The following TNRC6B variants were observed in gnomAD, a reference collection of about 807,000 sequenced individuals.
TNRC6B encodes trinucleotide repeat containing adaptor 6B.
A neutral mutation model predicts 203.6 loss-of-function variants in TNRC6B; 52 were observed. The observed-to-expected ratio is 0.26, with a 90% CI of 0.20 to 0.32. The LOEUF (loss-of-function observed/expected upper bound fraction) is 0.32, where lower values mean the gene tolerates loss of function less well. Among genes scored for constraint, TNRC6B ranks in the 10% least tolerant of loss-of-function variants. The pLI, the probability that TNRC6B is intolerant of heterozygous loss-of-function variation, is 1.00. For missense variants in TNRC6B, 1,923 were observed against 2,286.2 expected (o/e 0.84, Z 3.24); for synonymous variants, 838 against 845.7 (o/e 0.99, Z 0.16).
At chr22:40,097,509 A>C (rs760677943) in intron 1 of TNRC6B, among the ~76,000 whole-genome samples, 20 of 151,970 alleles carry the variant, frequency 1.3e-4, no homozygotes, top group African/African-American at 2.2e-4. Flanking sequence ...GGGTCTTGCT[A>C]TATTGCCCAG....
intron 19 of TNRC6B, among the ~76,000 whole-genome samples, chr22:40,313,275 A>G (rs537762558): frequency 6.6e-6 from 1 of 152,308 alleles, no homozygotes; most frequent in South Asian, 2.1e-4. Context: ...TCCTAATGAC[A>G]CACATGCTTC....
intron 12 of TNRC6B, among the ~76,000 whole-genome samples, chr22:40,286,705 A>C (rs1476025477): frequency 6.6e-6 from 1 of 152,178 alleles, no homozygotes; most frequent in Non-Finnish European, 1.5e-5. Flanking sequence ...GGAACCATTT[A>C]GGTCTGTCCC....
intron 1 of TNRC6B, among the ~76,000 whole-genome samples, chr22:40,105,773 C>T (rs2068277804): frequency 6.6e-6 from 1 of 152,176 alleles, no homozygotes; most frequent in Non-Finnish European, 1.5e-5. Flanking sequence ...TGCATACATT[C>T]TGCTGGGTAT....
At chr22:40,292,585 A>G (rs1303195415) in intron 12 of TNRC6B, among the ~76,000 whole-genome samples, 1 of 152,212 alleles carries the variant, frequency 6.6e-6, no homozygotes, top group African/African-American at 2.4e-5. Context: ...CCAATCCAGC[A>G]GGAGATTGAA....
In TNRC6B at chr22:40,329,043, C is replaced by G. The variant is rs139761696; in HGVS notation, c.*5802C>G. On this transcript the variant is annotated 3_prime_UTR_variant, in exon 23 of 23. Transcript: ENST00000454349. ...GCAAAAAAAAAAAACAAAAACAAAA[C>G]AAAAAAAAGCCTTGTTCTTTAATTG... The G allele has an allele frequency of 4.0e-5, 6 of 149,630 alleles. No homozygotes were observed. Among genetic ancestry groups the G allele is most frequent in the African/African-American group, 1.2e-4 (5 of 40,624 alleles). The allele number at this position is 149,630 out of a possible 1,614,324, so 9.3% of individuals were successfully genotyped here.
chr22:40,293,095 AT>A (rs1258026473), intron 12 of TNRC6B, among the ~76,000 whole-genome samples: 2 of 151,002 alleles, frequency 1.3e-5, no homozygotes, highest in African/African-American at 4.9e-5. Context: ...CTATACCATA[AT>A]TTACCTATTC....
chr22:40,099,686 G>A (rs752315293), intron 1 of TNRC6B, among the ~76,000 whole-genome samples: 3 of 152,216 alleles, frequency 2.0e-5, no homozygotes, highest in Non-Finnish European at 4.4e-5. Flanking sequence ...ACAGGAAGAT[G>A]TGTACCTAAG....
At position 40,330,456 on chromosome 22, in the gene TNRC6B, AGAG is replaced by A. The variant is rs544864009; in HGVS notation, c.*7221_*7223del. 4.0e-4 allele frequency: 61 copies of A among 152,344 alleles called. No homozygotes were observed. Among genetic ancestry groups the A allele is most frequent in the Middle Eastern group, 3.4e-3 (1 of 294 alleles). The allele number at this position is 152,344 out of a possible 1,614,324, so 9.4% of individuals were successfully genotyped here. On this transcript the variant is annotated 3_prime_UTR_variant, in exon 23 of 23. Coordinates refer to ENST00000454349, the MANE Select transcript of TNRC6B (RefSeq NM_001162501.2). Reference sequence around the variant, plus strand: ...CTAGCCCTACAGAAGAGCTTTACAGAGAGGAGGACAGTACATCCTATGTGTGTT... The same window carrying A: ...CTAGCCCTACAGAAGAGCTTTACAGAGAGGACAGTACATCCTATGTGTGTT...
intron 4 of TNRC6B, among the ~76,000 whole-genome samples, chr22:40,166,521 T>C (rs556908582): frequency 7.2e-5 from 11 of 152,210 alleles, no homozygotes; most frequent in Admixed American, 7.2e-4. Flanking sequence ...GTGCTTCCTA[T>C]AGCATGGTAG....
chr22:40,164,374 T>G (rs1601852277), intron 4 of TNRC6B, among the ~76,000 whole-genome samples: 3 of 115,752 alleles, frequency 2.6e-5, no homozygotes, highest in Admixed American at 1.0e-4. Flanking sequence ...GGCGACAGAG[T>G]GAGACTCTGC....
At chr22:40,212,494 G>A (rs1032227276) in intron 1 of TNRC6B, among the ~76,000 whole-genome samples, 2 of 152,158 alleles carry the variant, frequency 1.3e-5, no homozygotes, top group African/African-American at 2.4e-5. Context: ...ATTAGTTTGG[G>A]ATTTTTGTGG....
At chr22:40,275,227 C>G (rs2070622438) in intron 7 of TNRC6B, among the ~76,000 whole-genome samples, 2 of 152,168 alleles carry the variant, frequency 1.3e-5, no homozygotes, top group South Asian at 4.1e-4. Context: ...AGGAATTATT[C>G]AGCAAACTTT....
chr22:40,087,314 C>G (rs2068109171), intron 1 of TNRC6B, among the ~76,000 whole-genome samples: 1 of 152,176 alleles, frequency 6.6e-6, no homozygotes, highest in South Asian at 2.1e-4. Flanking sequence ...TTGGTCCTGC[C>G]TTCTTTCCCA....
chr22:40,067,642 G>C (rs1327666410), intron 1 of TNRC6B, among the ~76,000 whole-genome samples: 1 of 152,136 alleles, frequency 6.6e-6, no homozygotes, highest in Non-Finnish European at 1.5e-5. Flanking sequence ...GAGGCTGCTG[G>C]TGCAAATCCC....
chr22:40,222,550 G>A (rs2069724092), intron 1 of TNRC6B, among the ~76,000 whole-genome samples: 1 of 152,014 alleles, frequency 6.6e-6, no homozygotes, highest in African/African-American at 2.4e-5. Flanking sequence ...TTGACCACTC[G>A]TTTGACTTCC....
intron 1 of TNRC6B, among the ~76,000 whole-genome samples, chr22:40,090,401 G>T (rs1371981803): frequency 1.9e-4 from 26 of 136,778 alleles, no homozygotes; most frequent in Admixed American, 1.9e-3. Flanking sequence ...GCATCTCATT[G>T]TTTTTTTTTT....
intron 1 of TNRC6B, among the ~76,000 whole-genome samples, chr22:40,221,760 C>A (rs1315591345): frequency 8.2e-6 from 1 of 121,906 alleles, no homozygotes; most frequent in African/African-American, 2.7e-5. Context: ...TGCCCCCCCC[C>A]CTTTTTTTTT....
intron 3 of TNRC6B, among the ~76,000 whole-genome samples, chr22:40,257,878 T>C (rs4821938): frequency 0.65 from 97,499 of 151,054 alleles, 34,825 homozygotes; most frequent in East Asian, 0.99. Flanking sequence ...CAAAAATTAG[T>C]GAGGCGTGGT....
chr22:40,170,933 A>G (rs982079232), intron 4 of TNRC6B, among the ~76,000 whole-genome samples: 1 of 145,170 alleles, frequency 6.9e-6, no homozygotes, highest in African/African-American at 2.5e-5. Flanking sequence ...ATATACACCC[A>G]TATATGTACA....
Sources: gnomAD v4.1 joint callset for allele counts (sites outside exome capture counted in the v4.1 genomes callset) on GRCh38, gnomAD v4.1.1 for gene constraint, MANE v1.5 for transcripts, NCBI Gene and HGNC (gene_info 2026-07-23, HGNC 2026-07-21) for gene names.